NME7: variants seen among roughly 807,000 people sequenced by gnomAD.
The protein encoded by NME7 is nucleoside diphosphate kinase 7.
Under a neutral mutation model 49.1 loss-of-function variants are expected in NME7, and 41 were observed. The observed-to-expected ratio is 0.83, with a 90% confidence interval of 0.65 to 1.08. The LOEUF (loss-of-function observed/expected upper bound fraction) is 1.08. Among genes scored for constraint, NME7 ranks in the 50% least tolerant of loss-of-function variants. The pLI, the probability that NME7 is intolerant of heterozygous loss-of-function variation, is 0.00. For missense variants in NME7, 423 were observed against 463.4 expected (o/e 0.91, Z 0.80); for synonymous variants, 139 against 150.6 (o/e 0.92, Z 0.56).
In NME7 at chr1:169,340,409, C is replaced by A. The variant is rs148577023; in HGVS notation, c.4-15909G>T. ...CATGCAGAACTGTGAGTCAGTTAAA[C>A]CTCTTACCTTCAAAAATTACCCAGT... On this transcript the variant is annotated intron_variant, in intron 1 of 11. Coordinates refer to ENST00000367811, the MANE Select transcript of NME7 (RefSeq NM_013330.5). Among the ~76,000 whole-genome samples the A allele has an allele frequency of 4.2e-3, 644 of 152,286 alleles. 3 individuals carry two copies. The highest frequency in any genetic ancestry group is 0.014 in the Middle Eastern group (4 of 294).
chr1:169,254,551 A>G (rs1316714686), intron 7 of NME7, among the ~76,000 whole-genome samples: 3 of 150,310 alleles, frequency 2.0e-5, no homozygotes, highest in Admixed American at 6.6e-5. Flanking sequence ...GGTTTTTTGT[A>G]TCTCTATTTC....
intron 6 of NME7, among the ~76,000 whole-genome samples, chr1:169,288,777 A>G (rs1285425384): frequency 6.6e-6 from 1 of 152,124 alleles, no homozygotes; most frequent in African/African-American, 2.4e-5. Flanking sequence ...AATCAATAAC[A>G]ACAGCAACTA....
chr1:169,262,410 T>C (rs1221509684), intron 7 of NME7, among the ~76,000 whole-genome samples: 3 of 134,548 alleles, frequency 2.2e-5, no homozygotes, highest in African/African-American at 7.5e-5. Context: ...TATTTCTTAA[T>C]GATGAGATAA....
chr1:169,354,946 T>C (rs1571415817), intron 1 of NME7, among the ~76,000 whole-genome samples: 2 of 69,474 alleles, frequency 2.9e-5, no homozygotes, highest in Non-Finnish European at 5.6e-5. Context: ...ATGTATTATA[T>C]ATTATATATG....
intron 10 of NME7, among the ~76,000 whole-genome samples, chr1:169,182,174 TAA>T (rs59280361): frequency 7.5e-6 from 1 of 134,042 alleles, no homozygotes; most frequent in Non-Finnish European, 1.6e-5. Context: ...CTAGCTAATT[TAA>T]AAAAAAAAAA....
At chr1:169,332,839 T>C (rs1339040619) in intron 1 of NME7, among the ~76,000 whole-genome samples, 1 of 152,204 alleles carries the variant, frequency 6.6e-6, no homozygotes, top group Non-Finnish European at 1.5e-5. Flanking sequence ...GGTGAGGATG[T>C]GGAGAACAGG....
intron 1 of NME7, among the ~76,000 whole-genome samples, chr1:169,364,107 C>T (rs1653762842): frequency 6.6e-6 from 1 of 152,196 alleles, no homozygotes; most frequent in Admixed American, 6.5e-5. Flanking sequence ...TTTGTATTCT[C>T]TCAGACCACT....
At chr1:169,266,609 G>A (rs1222297002) in intron 7 of NME7, among the ~76,000 whole-genome samples, 1 of 133,200 alleles carries the variant, frequency 7.5e-6, no homozygotes, top group Non-Finnish European at 1.8e-5. Flanking sequence ...GAGCAATCAG[G>A]CAAGAGAAAG....
At position 169,325,580 on chromosome 1, in the gene NME7, A is replaced by G. The variant is rs540316456; in HGVS notation, c.4-1080T>C. ...TACCCTCGCCCCAAAGATCTTCATT[A>G]TAATAAGCAAATAAAAGCATAGGGA... On this transcript the variant is annotated intron_variant, in intron 1 of 11. Transcript: ENST00000367811. Among the ~76,000 whole-genome samples the G allele has an allele frequency of 4.6e-4, 70 of 152,286 alleles. 1 individual carries two copies. Among genetic ancestry groups the G allele is most frequent in the Non-Finnish European group, 4.7e-4 (32 of 68,022 alleles).
chr1:169,164,748 T>G (rs1659358125), intron 11 of NME7, among the ~76,000 whole-genome samples: 2 of 152,216 alleles, frequency 1.3e-5, no homozygotes, highest in Admixed American at 1.3e-4. Context: ...TGAACATCTG[T>G]GCAGATAACT....
intron 3 of NME7, among the ~76,000 whole-genome samples, chr1:169,310,472 A>G (rs74121614): frequency 0.021 from 3,190 of 152,300 alleles, 115 homozygotes; most frequent in African/African-American, 0.073. Context: ...TTAGACTTCA[A>G]CATATGTATG....
intron 1 of NME7, among the ~76,000 whole-genome samples, chr1:169,328,234 CA>C (rs2101943299): frequency 6.6e-6 from 1 of 152,172 alleles, no homozygotes; most frequent in Non-Finnish European, 1.5e-5. Flanking sequence ...TGTGAGAGTC[CA>C]AAAGACCTGG....
intron 11 of NME7, among the ~76,000 whole-genome samples, chr1:169,150,750 G>C (rs1463747499): frequency 7.0e-6 from 1 of 142,910 alleles, no homozygotes; most frequent in African/African-American, 2.7e-5. Context: ...GATGAGAAGA[G>C]AGGCTGGAAA....
chr1:169,139,703 C>T, intron 11 of NME7, among the ~76,000 whole-genome samples: 1 of 152,220 alleles, frequency 6.6e-6, no homozygotes, highest in Non-Finnish European at 1.5e-5. Context: ...GCCCATCCTG[C>T]TGTATGTCAC....
chr1:169,224,669 T>A (rs918354214), intron 10 of NME7, among the ~76,000 whole-genome samples: 1 of 152,196 alleles, frequency 6.6e-6, no homozygotes, highest in African/African-American at 2.4e-5. Flanking sequence ...GACCATATTC[T>A]ATTTCGAAAA....
chr1:169,326,057 A>G (rs539725479), intron 1 of NME7, among the ~76,000 whole-genome samples: 139 of 152,168 alleles, frequency 9.1e-4, no homozygotes, highest in African/African-American at 3.1e-3. Flanking sequence ...ATTTATTTAA[A>G]TACATAATTG....
chr1:169,202,939 G>C (rs1210256177), intron 10 of NME7, among the ~76,000 whole-genome samples: 2 of 150,994 alleles, frequency 1.3e-5, no homozygotes, highest in Non-Finnish European at 3.0e-5. Flanking sequence ...GTCCCATTGA[G>C]AGAAGAGAAA....
chr1:169,270,557 A>G (rs1649458096), intron 7 of NME7, among the ~76,000 whole-genome samples: 1 of 134,514 alleles, frequency 7.4e-6, no homozygotes, highest in Non-Finnish European at 1.7e-5. Context: ...TTAGCATTAT[A>G]AAACTATTAC....
intron 5 of NME7, 122 bp downstream of exon 5, chr1:169,303,023 C>A: frequency 1.7e-6 from 1 of 572,710 alleles, no homozygotes; most frequent in Non-Finnish European, 3.1e-6. Context: ...TGTGCAGTTG[C>A]AAGATGTTGC....
Sources: gnomAD v4.1 joint callset for allele counts (sites outside exome capture counted in the v4.1 genomes callset) on GRCh38, gnomAD v4.1.1 for gene constraint, MANE v1.5 for transcripts, NCBI Gene and HGNC (gene_info 2026-07-23, HGNC 2026-07-21) for gene names.